The following PTBP3 variants were observed in gnomAD, a reference collection of about 807,000 sequenced individuals.
The protein encoded by PTBP3 is polypyrimidine tract binding protein 3.
Under a neutral mutation model 58.7 loss-of-function variants are expected in PTBP3, and 20 were observed. That is an observed-to-expected ratio of 0.34 (90% CI 0.24 to 0.50). The LOEUF is 0.50. Ranked by LOEUF, PTBP3 falls within the 20% of genes least tolerant of loss-of-function variation. PTBP3 has a pLI of 0.98. For missense variants in PTBP3, 509 were observed against 637.2 expected (o/e 0.80, Z 2.17); for synonymous variants, 185 against 219.8 (o/e 0.84, Z 1.40).
At chr9:112,288,080 G>C (rs73539756) in intron 2 of PTBP3, among the ~76,000 whole-genome samples, 7,381 of 152,244 alleles carry the variant, frequency 0.048, 398 homozygotes, top group African/African-American at 0.14. Flanking sequence ...GTTACTTTCA[G>C]ATTAGCTACA....
chr9:112,238,643 G>T (rs1198506999), intron 7 of PTBP3, among the ~76,000 whole-genome samples: 1 of 151,900 alleles, frequency 6.6e-6, no homozygotes, highest in Non-Finnish European at 1.5e-5. Flanking sequence ...AAAAGAAAAA[G>T]GACACCAAAA....
At chr9:112,314,398 C>T (rs563015036) in intron 1 of PTBP3, among the ~76,000 whole-genome samples, 3 of 152,234 alleles carry the variant, frequency 2.0e-5, no homozygotes, top group South Asian at 4.2e-4. Context: ...ACACGTAAAG[C>T]AAAAACTGAC....
At chr9:112,372,874 G>C in the PTBP3 span, among the ~76,000 whole-genome samples, 3 of 150,600 alleles carry the variant, frequency 2.0e-5, no homozygotes, top group Admixed American at 2.0e-4. Context: ...GAACATATAC[G>C]TACTTCCTTG....
At chr9:112,267,418 C>T (rs967805737) in intron 4 of PTBP3, among the ~76,000 whole-genome samples, 18 of 152,102 alleles carry the variant, frequency 1.2e-4, no homozygotes, top group Non-Finnish European at 1.8e-4. Flanking sequence ...CCACCCGCCT[C>T]GGCCTCCCAA....
chr9:112,348,687 CCAAGTGTA>C, the PTBP3 span, among the ~76,000 whole-genome samples: 2 of 152,248 alleles, frequency 1.3e-5, no homozygotes, highest in South Asian at 4.1e-4. Context: ...TGGCCCTCTT[CCAAGTGTA>C]CTTTACTTCG....
chr9:112,305,828 T>G (rs1323121436), intron 1 of PTBP3, among the ~76,000 whole-genome samples: 1 of 152,042 alleles, frequency 6.6e-6, no homozygotes, highest in African/African-American at 2.4e-5. Context: ...TAGTTCCAGC[T>G]ACTCGGAAGG....
At chr9:112,379,765 G>A in the PTBP3 span, among the ~76,000 whole-genome samples, 2 of 152,248 alleles carry the variant, frequency 1.3e-5, no homozygotes, top group Non-Finnish European at 2.9e-5. Flanking sequence ...CGGAGCCGGC[G>A]CTGGAACACA....
intron 10 of PTBP3, among the ~76,000 whole-genome samples, chr9:112,229,928 T>C (rs1835136495): frequency 6.6e-6 from 1 of 152,198 alleles, no homozygotes; most frequent in Non-Finnish European, 1.5e-5. Flanking sequence ...AAAAGAGTCA[T>C]ATTAAAATGT....
chr9:112,350,682 G>GTC, the PTBP3 span, among the ~76,000 whole-genome samples: 20 of 151,928 alleles, frequency 1.3e-4, no homozygotes, highest in African/African-American at 4.1e-4. Context: ...CTCACACTCT[G>GTC]TCTCTCTCTC....
At chr9:112,344,861 C>T in the PTBP3 span, among the ~76,000 whole-genome samples, 2 of 152,046 alleles carry the variant, frequency 1.3e-5, no homozygotes, top group African/African-American at 2.4e-5. Context: ...TAGCCAGGCA[C>T]GGTGGCTCAC....
At chr9:112,322,827 G>C (rs1487274869) in intron 1 of PTBP3, among the ~76,000 whole-genome samples, 1 of 152,242 alleles carries the variant, frequency 6.6e-6, no homozygotes, top group African/African-American at 2.4e-5. Context: ...AAGATGGTGA[G>C]TTGTTTTTCA....
chr9:112,296,615 T>C (rs1828700660), intron 2 of PTBP3, among the ~76,000 whole-genome samples: 1 of 152,098 alleles, frequency 6.6e-6, no homozygotes, highest in African/African-American at 2.4e-5. Context: ...ATGGCTTCAG[T>C]TGTCAACTGT....
chr9:112,242,335 G>A (rs1358109218), intron 7 of PTBP3, among the ~76,000 whole-genome samples: 2 of 152,124 alleles, frequency 1.3e-5, no homozygotes, highest in Non-Finnish European at 2.9e-5. Context: ...CTAGGTAGGA[G>A]CCAGAGGTTT....
chr9:112,332,676 TTTA>T, intron 1 of PTBP3: 3 of 1,389,414 alleles, frequency 2.2e-6, no homozygotes, highest in Middle Eastern at 1.8e-4. Context: ...CAGAGAACAG[TTTA>T]TATACATAGA....
At chr9:112,266,623 C>G (rs1396638154) in intron 4 of PTBP3, among the ~76,000 whole-genome samples, 2 of 152,022 alleles carry the variant, frequency 1.3e-5, no homozygotes, top group Non-Finnish European at 2.9e-5. Context: ...TATAATTCTC[C>G]TATAAAAGGG....
chr9:112,374,695 T>C, the PTBP3 span, among the ~76,000 whole-genome samples: 7 of 152,198 alleles, frequency 4.6e-5, no homozygotes, highest in Non-Finnish European at 1.0e-4. Flanking sequence ...GTAAGTATCT[T>C]GTTCAGAGGC....
the PTBP3 span, among the ~76,000 whole-genome samples, chr9:112,353,914 T>C: frequency 4.4e-3 from 669 of 152,004 alleles, 3 homozygotes; most frequent in African/African-American, 0.015. Flanking sequence ...GCCAAGATCA[T>C]GCCACTGCAC....
chr9:112,374,484 C>T, the PTBP3 span, among the ~76,000 whole-genome samples: 5 of 152,186 alleles, frequency 3.3e-5, no homozygotes, highest in African/African-American at 1.2e-4. Flanking sequence ...ATATTGAACA[C>T]TGATTCAGAG....
chr9:112,302,582 CTTTTTTTTTTTT>C (rs369208342), intron 1 of PTBP3, among the ~76,000 whole-genome samples: 3 of 110,496 alleles, frequency 2.7e-5, no homozygotes, highest in African/African-American at 9.6e-5. Context: ...TATTCTTCAT[CTTTTTTTTTTTT>C]TTTTTTTTTT....
Sources: gnomAD v4.1 joint callset for allele counts (sites outside exome capture counted in the v4.1 genomes callset) on GRCh38, gnomAD v4.1.1 for gene constraint, MANE v1.5 for transcripts, NCBI Gene and HGNC (gene_info 2026-07-23, HGNC 2026-07-21) for gene names.